GRM7: variants seen among roughly 807,000 people sequenced by gnomAD.
The protein encoded by GRM7 is metabotropic glutamate receptor 7.
GRM7 carries 35 observed loss-of-function variants against 84.5 expected under a neutral mutation model. That is an observed-to-expected ratio of 0.41 (90% CI 0.32 to 0.55). The LOEUF (loss-of-function observed/expected upper bound fraction) is 0.55, where lower values mean the gene tolerates loss of function less well. Among genes scored for constraint, GRM7 ranks in the 20% least tolerant of loss-of-function variants. The pLI is 0.19. For synonymous variants in GRM7, 487 were observed against 455.1 expected, an observed-to-expected ratio of 1.07 and a Z score of -0.89; for missense variants, 1,003 against 1,194.6, an observed-to-expected ratio of 0.84 and a Z score of 2.36.
intron 1 of GRM7, among the ~76,000 whole-genome samples, chr3:7,004,525 T>C (rs184761183): frequency 1.4e-4 from 22 of 152,290 alleles, no homozygotes; most frequent in African/African-American, 5.1e-4. Flanking sequence ...ATCTTATGCT[T>C]GAAAGGGTTA....
At chr3:6,885,734 T>C (rs1695667080) in intron 1 of GRM7, among the ~76,000 whole-genome samples, 1 of 152,246 alleles carries the variant, frequency 6.6e-6, no homozygotes, top group Non-Finnish European at 1.5e-5. Flanking sequence ...TTTCCTTCTG[T>C]GTTTACCCCA....
intron 7 of GRM7, among the ~76,000 whole-genome samples, chr3:7,480,975 A>T (rs945669108): frequency 1.3e-5 from 2 of 152,234 alleles, no homozygotes; most frequent in African/African-American, 4.8e-5. Context: ...GTCCAACATA[A>T]GTACCTAGAG....
At chr3:6,908,776 G>A (rs1469262860) in intron 1 of GRM7, among the ~76,000 whole-genome samples, 1 of 152,140 alleles carries the variant, frequency 6.6e-6, no homozygotes, top group Non-Finnish European at 1.5e-5. Context: ...TGAGAAACAT[G>A]AGATGTCTGT....
intron 1 of GRM7, among the ~76,000 whole-genome samples, chr3:6,969,235 T>C (rs565750214): frequency 6.6e-6 from 1 of 152,314 alleles, no homozygotes; most frequent in African/African-American, 2.4e-5. Context: ...CTTAATAATG[T>C]CCTGAAAATT....
At chr3:6,864,136 C>T (rs555870694) in intron 1 of GRM7, among the ~76,000 whole-genome samples, 2 of 152,278 alleles carry the variant, frequency 1.3e-5, no homozygotes, top group African/African-American at 2.4e-5. Flanking sequence ...TGTCATTTTC[C>T]TCTAATTTGC....
At chr3:7,473,487 A>AGG (rs1220454872) in intron 7 of GRM7, among the ~76,000 whole-genome samples, 5 of 106,448 alleles carry the variant, frequency 4.7e-5, no homozygotes, top group African/African-American at 1.2e-4. Flanking sequence ...TAAAAACGAG[A>AGG]GGGAGAGAGA....
At chr3:7,153,827 A>G (rs1041655649) in intron 2 of GRM7, among the ~76,000 whole-genome samples, 5 of 152,120 alleles carry the variant, frequency 3.3e-5, no homozygotes, top group African/African-American at 1.2e-4. Context: ...GACAAAAAAA[A>G]ACCCCTCTGT....
At chr3:7,183,995 T>C (rs1695431129) in intron 2 of GRM7, among the ~76,000 whole-genome samples, 2 of 152,140 alleles carry the variant, frequency 1.3e-5, no homozygotes, top group South Asian at 4.1e-4. Flanking sequence ...GCCATGTTCA[T>C]AAATATAGCC....
chr3:7,068,773 C>T (rs1456314902), intron 1 of GRM7, among the ~76,000 whole-genome samples: 8 of 151,708 alleles, frequency 5.3e-5, no homozygotes, highest in Non-Finnish European at 8.8e-5. Flanking sequence ...TAAGGTATGC[C>T]TCTCTTTTCA....
chr3:7,170,913 C>T (rs1294074372), intron 2 of GRM7, among the ~76,000 whole-genome samples: 1 of 152,152 alleles, frequency 6.6e-6, no homozygotes, highest in African/African-American at 2.4e-5. Flanking sequence ...TCCAGATGTA[C>T]AGGCCACCTT....
intron 4 of GRM7, among the ~76,000 whole-genome samples, chr3:7,383,316 G>A (rs905881642): frequency 2.6e-5 from 4 of 152,140 alleles, no homozygotes; most frequent in Admixed American, 6.6e-5. Flanking sequence ...TGGCTTTTAG[G>A]TTTATAGAAC....
chr3:7,441,732 T>A (rs1288780700), intron 5 of GRM7, among the ~76,000 whole-genome samples: 3 of 151,976 alleles, frequency 2.0e-5, no homozygotes, highest in African/African-American at 7.2e-5. Flanking sequence ...ATTTATTGAG[T>A]GAATCCTTTT....
chr3:7,259,702 AG>A (rs771920882), intron 2 of GRM7, among the ~76,000 whole-genome samples: 5 of 152,148 alleles, frequency 3.3e-5, no homozygotes, highest in Non-Finnish European at 5.9e-5. Context: ...TGGGCATATA[AG>A]TTGATTCCAT....
chr3:7,656,426 G>A (rs902440328), intron 8 of GRM7, among the ~76,000 whole-genome samples: 1 of 151,896 alleles, frequency 6.6e-6, no homozygotes, highest in Non-Finnish European at 1.5e-5. Flanking sequence ...AACCCAGGAG[G>A]TGGAGATTGC....
intron 1 of GRM7, among the ~76,000 whole-genome samples, chr3:7,014,502 C>A (rs1011600765): frequency 6.6e-6 from 1 of 151,902 alleles, no homozygotes. Context: ...CCACCACGCC[C>A]AGCTAATTTT....
chr3:6,874,771 C>G (rs1695242472), intron 1 of GRM7, among the ~76,000 whole-genome samples: 1 of 152,184 alleles, frequency 6.6e-6, no homozygotes, highest in African/African-American at 2.4e-5. Context: ...TTTCTATTCC[C>G]TATGACACCC....
chr3:7,447,753 T>A (rs1399993759), intron 5 of GRM7, among the ~76,000 whole-genome samples: 1 of 151,816 alleles, frequency 6.6e-6, no homozygotes, highest in Non-Finnish European at 1.5e-5. Context: ...TTATTTTATT[T>A]ATTTTATTAT....
At chr3:7,675,179 T>A (rs1575618174) in intron 8 of GRM7, among the ~76,000 whole-genome samples, 1 of 152,360 alleles carries the variant, frequency 6.6e-6, no homozygotes, top group Middle Eastern at 3.4e-3. Context: ...AAATTGGGTT[T>A]TTCCTGATAG....
intron 8 of GRM7, among the ~76,000 whole-genome samples, chr3:7,632,547 C>T (rs6778440): frequency 0.71 from 108,373 of 152,128 alleles, 38,965 homozygotes; most frequent in East Asian, 0.86. Flanking sequence ...TGAATATTGC[C>T]TTGGGGCTGT....
Sources: allele counts gnomAD v4.1 joint callset (sites outside exome capture counted in the v4.1 genomes callset), GRCh38; gene constraint gnomAD v4.1.1; transcripts MANE v1.5; gene names NCBI Gene and HGNC (gene_info 2026-07-23, HGNC 2026-07-21).